The following IGSF21 variants were observed in gnomAD, a reference collection of about 807,000 sequenced individuals.
IGSF21 encodes the protein immunoglobin superfamily member 21, also known as immunoglobulin superfamily member 21.
In IGSF21, 28 loss-of-function variants were observed where a neutral mutation model predicts 46.8. The observed-to-expected ratio is 0.60, with a 90% CI of 0.44 to 0.82. The LOEUF (loss-of-function observed/expected upper bound fraction) is 0.82. IGSF21 is among the 40% of genes least tolerant of loss of function. The pLI is 0.00. For synonymous variants in IGSF21, 284 were observed against 273.6 expected (o/e 1.04, Z -0.38); for missense variants, 624 against 665.5 (o/e 0.94, Z 0.69).
chr1:18,139,248 G>A (rs182364103), intron 1 of IGSF21, among the ~76,000 whole-genome samples: 2 of 152,320 alleles, frequency 1.3e-5, no homozygotes, highest in Admixed American at 1.3e-4. Flanking sequence ...CACTGGGAGT[G>A]CTGTGTCTAA....
Position 18,365,509 on chromosome 1 carries a change from G to T in IGSF21, c.827G>T (p.Arg276Leu). Reference sequence around the variant, plus strand: ...ACGGTCGTGAGCCGTGAGTTTCCCCGCTGGGTCCACAGCGCCGAGCCCACC... The same window carrying T: ...ACGGTCGTGAGCCGTGAGTTTCCCCTCTGGGTCCACAGCGCCGAGCCCACC... ...PETVVSREFP[R>L]WVHSAEPTYF... The change falls in exon 6 of 10, where the codon CGC (arginine) becomes CTC (leucine). Residue 276 changes from arginine (R) to leucine (L), a missense_variant. Physicochemically the swap from Arg to Leu is moderately radical, Grantham distance 102. Coordinates refer to ENST00000251296, the MANE Select transcript of IGSF21 (RefSeq NM_032880.5). The surrounding 1 kb of genome is among the most constrained non-coding windows in gnomAD (Gnocchi z 4.8). 6.2e-7 allele frequency: 1 copy of T among 1,613,644 alleles called. No individual in the cohort carries two copies. Among genetic ancestry groups the T allele is most frequent in the East Asian group, 2.2e-5 (1 of 44,838 alleles).
intron 1 of IGSF21, among the ~76,000 whole-genome samples, chr1:18,198,184 C>T (rs549497385): frequency 7.2e-5 from 11 of 152,284 alleles, no homozygotes; most frequent in South Asian, 2.1e-4. Flanking sequence ...GAAGTGAACA[C>T]GGGGTTGACT....
intron 1 of IGSF21, among the ~76,000 whole-genome samples, chr1:18,212,871 C>G (rs1413195795): frequency 6.6e-6 from 1 of 152,202 alleles, no homozygotes; most frequent in African/African-American, 2.4e-5. Flanking sequence ...TTCCCCTCAC[C>G]CACCACCAAG....
chr1:18,212,605 G>A (rs2084403708), intron 1 of IGSF21, among the ~76,000 whole-genome samples: 1 of 152,188 alleles, frequency 6.6e-6, no homozygotes, highest in African/African-American at 2.4e-5. Context: ...TTCAAGGTCT[G>A]GGCTGCTTTC....
At chr1:18,287,137 C>A (rs1453936217) in intron 2 of IGSF21, among the ~76,000 whole-genome samples, 1 of 138,714 alleles carries the variant, frequency 7.2e-6, no homozygotes, top group Non-Finnish European at 1.6e-5. Context: ...GCCGAGATCG[C>A]GCCACTGCAC....
chr1:18,277,085 G>A (rs2085109182), intron 2 of IGSF21, among the ~76,000 whole-genome samples: 1 of 152,202 alleles, frequency 6.6e-6, no homozygotes, highest in African/African-American at 2.4e-5. Context: ...CGTACTGCCT[G>A]GTGGCCTTGA....
chr1:18,215,831 C>T (rs978173787), intron 1 of IGSF21, among the ~76,000 whole-genome samples: 1 of 152,088 alleles, frequency 6.6e-6, no homozygotes, highest in Non-Finnish European at 1.5e-5. Context: ...ACATGAGCAA[C>T]CTGGGCTACA....
intron 3 of IGSF21, among the ~76,000 whole-genome samples, chr1:18,313,147 A>T (rs2085505429): frequency 1.3e-5 from 2 of 152,134 alleles, no homozygotes; most frequent in Non-Finnish European, 2.9e-5. Flanking sequence ...ACAGGGCCCC[A>T]GCAGAGGGAC....
At chr1:18,135,585 G>A (rs1389487972) in intron 1 of IGSF21, among the ~76,000 whole-genome samples, 2 of 151,940 alleles carry the variant, frequency 1.3e-5, no homozygotes, top group East Asian at 3.8e-4. Context: ...TACAAAGGAT[G>A]TGAACTCATC....
At chr1:18,311,924 G>T (rs1427764700) in intron 3 of IGSF21, among the ~76,000 whole-genome samples, 1 of 152,184 alleles carries the variant, frequency 6.6e-6, no homozygotes. Flanking sequence ...AATCTGTGTG[G>T]GGACACAGCC....
At chr1:18,245,846 A>G (rs527567729) in intron 2 of IGSF21, among the ~76,000 whole-genome samples, 236 of 152,296 alleles carry the variant, frequency 1.5e-3, no homozygotes, top group African/African-American at 5.2e-3. Flanking sequence ...GTCCCAAACC[A>G]CTTAGAGTCA....
intron 3 of IGSF21, among the ~76,000 whole-genome samples, chr1:18,316,861 C>T (rs2085548008): frequency 6.6e-6 from 1 of 152,212 alleles, no homozygotes; most frequent in South Asian, 2.1e-4. Context: ...ATACCAAGTG[C>T]TGTGTGTTAT....
At chr1:18,211,131 C>T (rs1027227524) in intron 1 of IGSF21, among the ~76,000 whole-genome samples, 5 of 152,206 alleles carry the variant, frequency 3.3e-5, no homozygotes, top group African/African-American at 1.2e-4. Context: ...CTTGGCCTCC[C>T]AAAGTGCTGG....
At chr1:18,183,003 C>G (rs1490717829) in intron 1 of IGSF21, among the ~76,000 whole-genome samples, 1 of 152,226 alleles carries the variant, frequency 6.6e-6, no homozygotes, top group Non-Finnish European at 1.5e-5. Context: ...CCGCTGCAAA[C>G]TGGCTGCCCA....
chr1:18,376,774 C>T, intron 7 of IGSF21, 26 bp from the exon 8 acceptor site: 1 of 1,557,386 alleles, frequency 6.4e-7, no homozygotes, highest in East Asian at 2.3e-5. Context: ...TCCTGTGACC[C>T]ACCTCTCCCC....
intron 3 of IGSF21, among the ~76,000 whole-genome samples, chr1:18,294,036 G>A (rs976891903): frequency 1.3e-5 from 2 of 152,192 alleles, no homozygotes; most frequent in African/African-American, 4.8e-5. Context: ...CTCTGCTTCA[G>A]GTCCTTCGCC....
At chr1:18,279,479 G>T (rs74056586) in intron 2 of IGSF21, among the ~76,000 whole-genome samples, 2,993 of 152,244 alleles carry the variant, frequency 0.02, 107 homozygotes, top group African/African-American at 0.065. Flanking sequence ...AATTTGCCTA[G>T]TGTTAACGCC....
intron 3 of IGSF21, among the ~76,000 whole-genome samples, chr1:18,320,748 A>G (rs223214): frequency 0.6 from 90,893 of 152,096 alleles, 28,652 homozygotes; most frequent in African/African-American, 0.8. Flanking sequence ...TTCCTGCCCA[A>G]TTCCTCCAGG....
intron 1 of IGSF21, among the ~76,000 whole-genome samples, chr1:18,147,511 C>T (rs1022208424): frequency 6.6e-6 from 1 of 151,994 alleles, no homozygotes; most frequent in African/African-American, 2.4e-5. Flanking sequence ...TCCCTGACAC[C>T]ACCCCATTGA....
Sources: gnomAD v4.1 joint callset for allele counts (sites outside exome capture counted in the v4.1 genomes callset) on GRCh38, gnomAD v4.1.1 for gene constraint, Gnocchi (gnomAD v3.1) non-coding constraint, MANE v1.5 for transcripts, NCBI Gene and HGNC (gene_info 2026-07-23, HGNC 2026-07-21) for gene names.